Variants in TMEM132D observed in about 807,000 individuals in gnomAD.
TMEM132D encodes the protein mature OL transmembrane protein.
TMEM132D carries 21 observed loss-of-function variants against 62.3 expected under a neutral mutation model. That is an observed-to-expected ratio of 0.34 (90% CI 0.24 to 0.49). The LOEUF (loss-of-function observed/expected upper bound fraction) is 0.49. Among genes scored for constraint, TMEM132D ranks in the 20% least tolerant of loss-of-function variants. The probability of loss-of-function intolerance (pLI) is 0.99; values close to 1 mark genes in which losing one functional copy is unlikely to be tolerated. For missense variants in TMEM132D, 1,346 were observed against 1,402.8 expected (o/e 0.96, Z 0.65); for synonymous variants, 621 against 575.6 (o/e 1.08, Z -1.13).
intron 5 of TMEM132D, among the ~76,000 whole-genome samples, chr12:129,115,161 T>C (rs553679319): frequency 6.6e-6 from 1 of 152,340 alleles, no homozygotes; most frequent in South Asian, 2.1e-4. Context: ...TAACTACCAG[T>C]GACATCTCAT....
intron 3 of TMEM132D, among the ~76,000 whole-genome samples, chr12:129,438,093 A>G (rs1206796852): frequency 6.6e-6 from 1 of 152,152 alleles, no homozygotes; most frequent in African/African-American, 2.4e-5. Context: ...GCTGCATAGT[A>G]TTCCATGGTG....
At chr12:129,807,631 G>A (rs1254864587) in intron 1 of TMEM132D, among the ~76,000 whole-genome samples, 3 of 152,260 alleles carry the variant, frequency 2.0e-5, no homozygotes, top group East Asian at 1.9e-4. Context: ...GAGACGATGC[G>A]TTGATTGTTA....
At chr12:129,245,163 A>G (rs1880061120) in intron 4 of TMEM132D, among the ~76,000 whole-genome samples, 1 of 152,218 alleles carries the variant, frequency 6.6e-6, no homozygotes, top group Admixed American at 6.5e-5. Flanking sequence ...TCATTATAGT[A>G]TCCCACAGAA....
intron 2 of TMEM132D, among the ~76,000 whole-genome samples, chr12:129,566,961 C>T (rs543747570): frequency 9.2e-5 from 14 of 152,234 alleles, no homozygotes; most frequent in South Asian, 8.3e-4. Flanking sequence ...CAAGTTGTTC[C>T]GCCTTTCCAG....
At chr12:129,501,098 C>T (rs1042355935) in intron 3 of TMEM132D, among the ~76,000 whole-genome samples, 1 of 152,138 alleles carries the variant, frequency 6.6e-6, no homozygotes, top group Non-Finnish European at 1.5e-5. Flanking sequence ...AGCATCAAGA[C>T]AAGATTTATT....
rs752825227 is a variant in TMEM132D at position 129,084,546 on chromosome 12, C to T, written c.1600G>A (p.Glu534Lys). The change falls in exon 6 of 9, where the codon GAG becomes AAG. Residue 534 changes from glutamate to lysine, a missense_variant. Physicochemically the swap from Glu to Lys is moderately conservative, Grantham distance 56 (BLOSUM62 1). Coordinates refer to ENST00000422113, the MANE Select transcript of TMEM132D (RefSeq NM_133448.3). ...CTCCAACCCTTGATCTGATTGAGCT[C>T]GGTGTCGGAGACCTCGATCTGCAGC... ...LPLQIEVSDT[E>K]LNQIKGWRVP... 2.4e-5 allele frequency: 38 copies of T among 1,612,806 alleles called. No individual in the cohort carries two copies. The highest frequency in any genetic ancestry group is 4.5e-5 in the East Asian group (2 of 44,874).
intron 5 of TMEM132D, among the ~76,000 whole-genome samples, chr12:129,112,111 A>G (rs1192310885): frequency 1.3e-5 from 2 of 152,186 alleles, no homozygotes; most frequent in African/African-American, 4.8e-5. Flanking sequence ...TATCCTTTTA[A>G]TAAATTGAAT....
At chr12:129,530,592 C>T (rs566795000) in intron 3 of TMEM132D, among the ~76,000 whole-genome samples, 3 of 152,328 alleles carry the variant, frequency 2.0e-5, no homozygotes, top group South Asian at 2.1e-4. Context: ...ACTGTACCAT[C>T]AGAAAATGCC....
intron 4 of TMEM132D, among the ~76,000 whole-genome samples, chr12:129,263,865 C>G (rs779714162): frequency 1.3e-5 from 2 of 152,068 alleles, no homozygotes; most frequent in Non-Finnish European, 2.9e-5. Flanking sequence ...GTATTCAGTA[C>G]TGTGTGAGCT....
intron 3 of TMEM132D, among the ~76,000 whole-genome samples, chr12:129,439,112 G>C (rs961001856): frequency 6.6e-6 from 1 of 152,150 alleles, no homozygotes; most frequent in African/African-American, 2.4e-5. Context: ...CAATGTTGCT[G>C]GGAGCCAGGT....
intron 3 of TMEM132D, among the ~76,000 whole-genome samples, chr12:129,383,704 G>A (rs1294242635): frequency 2.0e-5 from 3 of 152,202 alleles, no homozygotes; most frequent in Non-Finnish European, 4.4e-5. Context: ...CTCTTAAAGT[G>A]CTGGGATTAT....
At chr12:129,749,633 G>C (rs11060534) in intron 1 of TMEM132D, among the ~76,000 whole-genome samples, 1 of 151,422 alleles carries the variant, frequency 6.6e-6, no homozygotes, top group Non-Finnish European at 1.5e-5. Context: ...ATTTTTTTTT[G>C]TGTGTACTTT....
chr12:129,719,827 T>C (rs1868754945), intron 1 of TMEM132D, among the ~76,000 whole-genome samples: 1 of 152,198 alleles, frequency 6.6e-6, no homozygotes, highest in African/African-American at 2.4e-5. Context: ...ACAGAGAAAA[T>C]ATCTGGTTCT....
chr12:129,519,610 C>CT (rs35695419), intron 3 of TMEM132D, among the ~76,000 whole-genome samples: 117,101 of 147,010 alleles, frequency 0.8, 46,925 homozygotes, highest in East Asian at 0.91. Flanking sequence ...GATAAGAATG[C>CT]TTTTTTTTTT....
chr12:129,647,217 A>G (rs1049038810), intron 2 of TMEM132D, among the ~76,000 whole-genome samples: 1 of 138,376 alleles, frequency 7.2e-6, no homozygotes, highest in Non-Finnish European at 1.6e-5. Flanking sequence ...TGCAATGTGC[A>G]TTATTTGCTG....
chr12:129,714,943 A>ACAATGCGTAAG (rs1489745779), intron 1 of TMEM132D, among the ~76,000 whole-genome samples: 2 of 152,192 alleles, frequency 1.3e-5, no homozygotes, highest in Non-Finnish European at 2.9e-5. Flanking sequence ...CTCCAGCCTA[A>ACAATGCGTAAG]CAATGCGTAA....
chr12:129,479,217 G>A (rs1197051293), intron 3 of TMEM132D, among the ~76,000 whole-genome samples: 1 of 152,182 alleles, frequency 6.6e-6, no homozygotes, highest in Non-Finnish European at 1.5e-5. Context: ...TCTGTTGAAA[G>A]GCATGCTGAA....
In TMEM132D at chr12:129,277,332, T is replaced by C. The variant is rs977270286; in HGVS notation, c.1299+60302A>G. 3.9e-5 allele frequency among the ~76,000 whole-genome samples: 6 copies of C among 152,222 alleles called. No individual in the cohort carries two copies. Among genetic ancestry groups the C allele is most frequent in the Admixed American group, 3.9e-4 (6 of 15,278 alleles). On this transcript the variant is annotated intron_variant, in intron 4 of 8. Coordinates refer to ENST00000422113, the MANE Select transcript of TMEM132D (RefSeq NM_133448.3). This position sits in a 1 kb window ranked among gnomAD's most constrained non-coding sequence, Gnocchi z 4.2. ...TTGTGTCAAATTAAGGCTTCCACTG[T>C]ATTTTGAAATGTTTGATATGAAAAA...
At chr12:129,492,420 T>C (rs1033854759) in intron 3 of TMEM132D, among the ~76,000 whole-genome samples, 2 of 152,198 alleles carry the variant, frequency 1.3e-5, no homozygotes, top group Non-Finnish European at 2.9e-5. Flanking sequence ...TACACTTAAA[T>C]ATATAGTAGA....
Sources: allele counts gnomAD v4.1 joint callset (sites outside exome capture counted in the v4.1 genomes callset), GRCh38; gene constraint gnomAD v4.1.1; non-coding constraint Gnocchi (gnomAD v3.1); transcripts MANE v1.5; gene names NCBI Gene and HGNC (gene_info 2026-07-23, HGNC 2026-07-21).